Variants in LIMD1 observed in about 807,000 individuals in gnomAD.
LIMD1 encodes the protein LIM domain-containing protein 1.
A neutral mutation model predicts 58.4 loss-of-function variants in LIMD1; 23 were observed. The ratio of observed to expected loss-of-function variants is 0.39; its 90% CI spans 0.28 to 0.56. The LOEUF (loss-of-function observed/expected upper bound fraction) is 0.56. Ranked by LOEUF, LIMD1 falls within the 20% of genes least tolerant of loss-of-function variation. LIMD1 has a pLI of 0.57. For synonymous variants in LIMD1, 334 were observed against 345.5 expected (o/e 0.97, Z 0.37); for missense variants, 838 against 855.5 (o/e 0.98, Z 0.25).
In LIMD1 at chr3:45,677,130, C is replaced by A; in HGVS notation, c.*71C>A. On this transcript the variant is annotated 3_prime_UTR_variant, in exon 8 of 8. Transcript: ENST00000273317. ...TTGCTGCTGCTGCTTCCGGTGGCCC[C>A]TGGGGTGGAAGTGGGGTAGGGGAAG... 6.4e-7 allele frequency: 1 copy of A among 1,565,986 alleles called. No homozygotes were observed.
chr3:45,648,238 C>A (rs947210741), intron 2 of LIMD1, among the ~76,000 whole-genome samples: 1 of 152,302 alleles, frequency 6.6e-6, no homozygotes, highest in South Asian at 2.1e-4. Flanking sequence ...GTACTCATCA[C>A]TTCACCTCCT....
intron 1 of LIMD1, among the ~76,000 whole-genome samples, chr3:45,623,339 T>G (rs1701643887): frequency 6.6e-6 from 1 of 152,160 alleles, no homozygotes; most frequent in South Asian, 2.1e-4. Context: ...GGAGGAGAGC[T>G]TCATGTAGGA....
At chr3:45,599,346 G>GCTCCT (rs946692428) in intron 1 of LIMD1, among the ~76,000 whole-genome samples, 1 of 151,794 alleles carries the variant, frequency 6.6e-6, no homozygotes, top group Non-Finnish European at 1.5e-5. Context: ...TCCCCTCCCA[G>GCTCCT]CTCCTGGCAA....
At chr3:45,665,008 G>A (rs1277296249) in intron 2 of LIMD1, among the ~76,000 whole-genome samples, 1 of 152,026 alleles carries the variant, frequency 6.6e-6, no homozygotes, top group Non-Finnish European at 1.5e-5. Flanking sequence ...AGATGAGAGG[G>A]ACTGATAAAG....
At chr3:45,654,007 A>G (rs1030927905) in intron 2 of LIMD1, among the ~76,000 whole-genome samples, 4 of 152,074 alleles carry the variant, frequency 2.6e-5, no homozygotes, top group African/African-American at 7.2e-5. Context: ...GCGATGATGC[A>G]GATATTCTAA....
chr3:45,628,687 G>A (rs1701695001), intron 1 of LIMD1, among the ~76,000 whole-genome samples: 1 of 152,224 alleles, frequency 6.6e-6, no homozygotes, highest in Admixed American at 6.5e-5. Flanking sequence ...GCAAATGTAT[G>A]TCCATTACAA....
At chr3:45,643,163 G>A (rs1181990967) in intron 2 of LIMD1, among the ~76,000 whole-genome samples, 1 of 152,140 alleles carries the variant, frequency 6.6e-6, no homozygotes, top group African/African-American at 2.4e-5. Context: ...TGACTTGTGG[G>A]GTTGAGTGGA....
At chr3:45,634,080 AT>A (rs1255053492) in intron 1 of LIMD1, among the ~76,000 whole-genome samples, 1 of 152,204 alleles carries the variant, frequency 6.6e-6, no homozygotes, top group Non-Finnish European at 1.5e-5. Flanking sequence ...AAATTTTAAC[AT>A]TATATAATGT....
At chr3:45,653,119 T>A (rs562149820) in intron 2 of LIMD1, among the ~76,000 whole-genome samples, 1 of 152,314 alleles carries the variant, frequency 6.6e-6, no homozygotes, top group African/African-American at 2.4e-5. Context: ...TTTTTCTATA[T>A]TATTGTATTT....
chr3:45,660,716 A>G (rs1490155707), intron 2 of LIMD1, among the ~76,000 whole-genome samples: 1 of 152,138 alleles, frequency 6.6e-6, no homozygotes, highest in East Asian at 1.9e-4. Context: ...GCGCCCGGCC[A>G]GGTGGGCTGT....
chr3:45,658,321 C>T (rs967898406), intron 2 of LIMD1, among the ~76,000 whole-genome samples: 1 of 152,048 alleles, frequency 6.6e-6, no homozygotes, highest in Admixed American at 6.5e-5. Context: ...GAAAATCAGA[C>T]GTAGTCCCCC....
intron 1 of LIMD1, among the ~76,000 whole-genome samples, chr3:45,616,778 G>A (rs1701580094): frequency 2.0e-5 from 3 of 149,192 alleles, no homozygotes; most frequent in South Asian, 4.2e-4. Context: ...TTTTTGAGAC[G>A]GAATCTTGCT....
At chr3:45,627,318 G>A (rs1223320854) in intron 1 of LIMD1, among the ~76,000 whole-genome samples, 13 of 152,178 alleles carry the variant, frequency 8.5e-5, no homozygotes. Flanking sequence ...CCTCTTATAA[G>A]TGCAGTAGGA....
At chr3:45,645,950 AGCATTTATT>A (rs1189512523) in intron 2 of LIMD1, among the ~76,000 whole-genome samples, 4 of 150,780 alleles carry the variant, frequency 2.7e-5, no homozygotes, top group African/African-American at 7.3e-5. Flanking sequence ...CTGTCTGTGG[AGCATTTATT>A]GCATTTATTG....
intron 2 of LIMD1, among the ~76,000 whole-genome samples, chr3:45,641,577 C>T (rs1292087707): frequency 1.3e-5 from 2 of 151,152 alleles, no homozygotes; most frequent in Non-Finnish European, 2.9e-5. Context: ...GGTATATACA[C>T]ATACTTCCTG....
intron 1 of LIMD1, among the ~76,000 whole-genome samples, chr3:45,614,243 T>G (rs1299123989): frequency 6.6e-6 from 1 of 152,082 alleles, no homozygotes; most frequent in Non-Finnish European, 1.5e-5. Flanking sequence ...AGAAATCCTC[T>G]TAGGCTGGGC....
rs527602026 is a variant in LIMD1 at position 45,600,803 on chromosome 3, C to T, written c.1408+4516C>T. Among the ~76,000 whole-genome samples the T allele has an allele frequency of 1.2e-4, 18 of 152,316 alleles. No homozygotes were observed. In the East Asian group the frequency reaches 2.5e-3, roughly 21 times the overall value. On this transcript the variant is annotated intron_variant, in intron 1 of 7. Transcript: ENST00000273317. ...CACAAGCCGGGTGTGGTGGCTCACA[C>T]CTGTGATCCCAGCGACTCAAGAGAC...
chr3:45,598,754 A>G (rs546060711), intron 1 of LIMD1, among the ~76,000 whole-genome samples: 4 of 152,320 alleles, frequency 2.6e-5, no homozygotes, highest in Non-Finnish European at 5.9e-5. Context: ...TGTCCCACCT[A>G]GAAGATGCAT....
At position 45,631,784 on chromosome 3, in the gene LIMD1, C is replaced by T. The variant is rs1229350170; in HGVS notation, c.1409-4366C>T. 5.3e-5 allele frequency among the ~76,000 whole-genome samples: 8 copies of T among 152,188 alleles called. No homozygotes were observed. In the East Asian group the frequency reaches 1.3e-3, roughly 26 times the overall value. ...AGAGCATCCACGTGAAGACGCTGGC[C>T]ACCCTGCCAGCATCTTATGAACAGG... is the stretch of plus-strand genomic sequence containing the variant. On this transcript the variant is annotated intron_variant, in intron 1 of 7. Transcript: ENST00000273317.
Sources: gnomAD v4.1 joint callset for allele counts (sites outside exome capture counted in the v4.1 genomes callset) on GRCh38, gnomAD v4.1.1 for gene constraint, MANE v1.5 for transcripts, NCBI Gene and HGNC (gene_info 2026-07-23, HGNC 2026-07-21) for gene names.